Variants in NRG3 observed in about 807,000 individuals in gnomAD.
NRG3 encodes neuregulin 3.
NRG3 carries 31 observed loss-of-function variants against 66.9 expected under a neutral mutation model. That is an observed-to-expected ratio of 0.46 (90% CI 0.35 to 0.63). The LOEUF is 0.63. NRG3 is among the 20% of genes least tolerant of loss of function. NRG3 has a pLI of 0.00. For synonymous variants in NRG3, 393 were observed against 359.4 expected (o/e 1.09, Z -1.06); for missense variants, 910 against 878.9 (o/e 1.04, Z -0.45).
intron 3 of NRG3, among the ~76,000 whole-genome samples, chr10:82,761,822 A>G (rs1159168221): frequency 3.3e-5 from 5 of 151,732 alleles, no homozygotes; most frequent in African/African-American, 1.2e-4. Context: ...ATTATAAAAC[A>G]TATATATGTG....
intron 2 of NRG3, among the ~76,000 whole-genome samples, chr10:82,657,503 T>C (rs934541805): frequency 2.6e-5 from 4 of 152,158 alleles, no homozygotes; most frequent in Non-Finnish European, 4.4e-5. Flanking sequence ...TGGTAGCCCA[T>C]GGTGATGGCT....
At chr10:82,502,405 G>T (rs889428898) in intron 2 of NRG3, among the ~76,000 whole-genome samples, 1 of 152,152 alleles carries the variant, frequency 6.6e-6, no homozygotes, top group East Asian at 1.9e-4. Context: ...TTTTCCCTCA[G>T]ATACATTGTA....
Position 82,741,164 on chromosome 10 carries a change from C to T in NRG3, c.1027+2514C>T, listed in dbSNP as rs77833089. ...TATGTCTTGCATTCATCCATGCACA[C>T]GTGCATTTCTTTAGGTAATCATTAA... On this transcript the variant is annotated intron_variant, in intron 3 of 8. Transcript: ENST00000372141. Among the ~76,000 whole-genome samples, 944 of 152,202 alleles carry T rather than the reference C, an allele frequency of 6.2e-3. 5 individuals carry two copies. The highest frequency in any genetic ancestry group is 0.014 in the Middle Eastern group (4 of 294).
At chr10:82,362,098 A>AAAAAAAAAAG in intron 2 of NRG3, among the ~76,000 whole-genome samples, 1 of 145,482 alleles carries the variant, frequency 6.9e-6, no homozygotes, top group Admixed American at 6.8e-5. Flanking sequence ...AAAAAAAAAA[A>AAAAAAAAAAG]AAAAAAAAAA....
chr10:82,924,614 A>G (rs761446999), intron 4 of NRG3, among the ~76,000 whole-genome samples: 1 of 151,514 alleles, frequency 6.6e-6, no homozygotes, highest in Non-Finnish European at 1.5e-5. Flanking sequence ...TTGTAGGTTG[A>G]CACAGCATAG....
At chr10:82,251,824 C>A (rs1276204403) in intron 1 of NRG3, among the ~76,000 whole-genome samples, 1 of 152,136 alleles carries the variant, frequency 6.6e-6, no homozygotes, top group East Asian at 1.9e-4. Flanking sequence ...CACTGCAGGC[C>A]TGGGTGCTTT....
chr10:82,822,459 CTA>C (rs777718992), intron 3 of NRG3, among the ~76,000 whole-genome samples: 2 of 152,270 alleles, frequency 1.3e-5, no homozygotes, highest in Non-Finnish European at 1.5e-5. Context: ...GGTGCCAACA[CTA>C]TACTCTGGCT....
intron 1 of NRG3, among the ~76,000 whole-genome samples, chr10:82,167,071 C>T (rs1302981373): frequency 6.6e-6 from 1 of 151,686 alleles, no homozygotes; most frequent in African/African-American, 2.4e-5. Flanking sequence ...TTATGATGCA[C>T]CTTTATATAG....
intron 6 of NRG3, among the ~76,000 whole-genome samples, chr10:82,968,634 G>GAC (rs1248727304): frequency 6.7e-6 from 1 of 148,496 alleles, no homozygotes; most frequent in Non-Finnish European, 1.5e-5. Context: ...TAGGCTTTTT[G>GAC]ACAAGGAAGG....
intron 1 of NRG3, among the ~76,000 whole-genome samples, chr10:82,030,498 G>A (rs1276592053): frequency 6.6e-6 from 1 of 152,058 alleles, no homozygotes; most frequent in Non-Finnish European, 1.5e-5. Flanking sequence ...CATAAGACAT[G>A]TAGATGGAAG....
chr10:82,792,897 G>A, intron 3 of NRG3, among the ~76,000 whole-genome samples: 1 of 151,964 alleles, frequency 6.6e-6, no homozygotes, highest in East Asian at 1.9e-4. Context: ...GTTTAGGCTG[G>A]TCCGAACTCC....
chr10:82,701,182 G>A (rs1311404881), intron 2 of NRG3, among the ~76,000 whole-genome samples: 1 of 152,038 alleles, frequency 6.6e-6, no homozygotes, highest in East Asian at 1.9e-4. Context: ...GCTAGTATGA[G>A]TCATTAAACC....
chr10:82,706,495 T>G (rs2056297685), intron 2 of NRG3, among the ~76,000 whole-genome samples: 1 of 152,188 alleles, frequency 6.6e-6, no homozygotes. Context: ...TCTTTCTTCC[T>G]TATATAAATC....
At chr10:82,053,765 A>G (rs991523994) in intron 1 of NRG3, among the ~76,000 whole-genome samples, 14 of 152,214 alleles carry the variant, frequency 9.2e-5, no homozygotes, top group African/African-American at 3.1e-4. Flanking sequence ...TTGTGATGGT[A>G]TGTAAAGCCT....
At chr10:82,616,426 A>G (rs1364859681) in intron 2 of NRG3, among the ~76,000 whole-genome samples, 1 of 152,168 alleles carries the variant, frequency 6.6e-6, no homozygotes, top group East Asian at 1.9e-4. Context: ...ATCCAAGCTG[A>G]ATGCTGCTTT....
At chr10:81,946,336 G>A (rs1805354119) in intron 1 of NRG3, among the ~76,000 whole-genome samples, 1 of 152,142 alleles carries the variant, frequency 6.6e-6, no homozygotes, top group Admixed American at 6.5e-5. Flanking sequence ...CTTCCAGACT[G>A]CAGAACTGTG....
At chr10:82,843,875 A>G (rs2063181567) in intron 3 of NRG3, among the ~76,000 whole-genome samples, 1 of 152,236 alleles carries the variant, frequency 6.6e-6, no homozygotes. Flanking sequence ...ACAATTTATC[A>G]AGATGATATC....
chr10:82,738,446 CTG>C lies in NRG3; in HGVS notation c.954-130_954-129del, dbSNP rs1591367945. 4.1e-6 allele frequency: 3 copies of C among 737,450 alleles called. No homozygotes were observed. The East Asian group carries it at 7.9e-5, about 19-fold the overall frequency. The allele number at this position is 737,450 out of a possible 1,614,324, so 45.7% of individuals were successfully genotyped here. A position where few individuals can be genotyped will look rare whatever the true frequency, so the allele number is the denominator to read the frequency against. On this transcript the variant is annotated intron_variant, in intron 2 of 8. Transcript: ENST00000372141. ...TCTGCCTGTTGAGGTCAGAAACAGACTGAATCAAAAAATATGAAAGCATGAAT... is the reference window on the plus strand; with the variant it reads ...TCTGCCTGTTGAGGTCAGAAACAGACAATCAAAAAATATGAAAGCATGAAT...
intron 1 of NRG3, among the ~76,000 whole-genome samples, chr10:82,167,807 A>T (rs1033191801): frequency 1.3e-5 from 2 of 152,102 alleles, no homozygotes; most frequent in African/African-American, 4.8e-5. Context: ...CCAAATACAT[A>T]AAGATTATTG....
Sources: gnomAD v4.1 joint callset for allele counts (sites outside exome capture counted in the v4.1 genomes callset) on GRCh38, gnomAD v4.1.1 for gene constraint, MANE v1.5 for transcripts, NCBI Gene and HGNC (gene_info 2026-07-23, HGNC 2026-07-21) for gene names.